PLCE1: variants seen among roughly 807,000 people sequenced by gnomAD.
PLCE1 encodes the protein 1-phosphatidylinositol 4,5-bisphosphate phosphodiesterase epsilon-1.
PLCE1 carries 119 observed loss-of-function variants against 242.8 expected under a neutral mutation model. That is an observed-to-expected ratio of 0.49 (90% CI 0.42 to 0.57). The LOEUF is 0.57. PLCE1 is among the 20% of genes least tolerant of loss of function. PLCE1 has a pLI of 0.00. For missense variants in PLCE1, 2,441 were observed against 2,788.8 expected, an observed-to-expected ratio of 0.88 and a Z score of 2.81; for synonymous variants, 945 against 1,017.4, an observed-to-expected ratio of 0.93 and a Z score of 1.35.
intron 2 of PLCE1, among the ~76,000 whole-genome samples, chr10:94,040,961 T>C (rs2061754597): frequency 6.6e-6 from 1 of 152,230 alleles, no homozygotes; most frequent in African/African-American, 2.4e-5. Flanking sequence ...TTTTACCCTC[T>C]AATGGCAGAG....
intron 14 of PLCE1, 105 bp downstream of exon 14, chr10:94,262,837 A>C (rs985783176): frequency 3.3e-6 from 3 of 899,506 alleles, no homozygotes; most frequent in African/African-American, 3.3e-5. Context: ...AAAGCCTTTA[A>C]ATCTGGGACA....
intron 2 of PLCE1, among the ~76,000 whole-genome samples, chr10:94,067,986 C>T (rs1314889175): frequency 6.6e-6 from 1 of 152,114 alleles, no homozygotes; most frequent in African/African-American, 2.4e-5. Context: ...GGGGCTGAAC[C>T]CCCATGGTGG....
rs2050686506 is a variant in PLCE1, at chr10:94,246,494, C to T, written c.2969C>T (p.Ala990Val). The stretch of plus-strand genomic sequence containing the variant: ...GACAACAGATTATTGCACTTCGTGG[C>T]ACCAAAGCACACAGCTAAAATGCTC... ...TTDNRLLHFV[A>V]PKHTAKMLFS... Residue 990 changes from alanine to valine, a missense_variant, in exon 8 of 33, where the codon GCA (alanine) becomes GTA (valine). Coordinates refer to ENST00000371380, the MANE Select transcript of PLCE1 (RefSeq NM_016341.4). 1.2e-6 allele frequency: 2 copies of T among 1,614,146 alleles called. No individual in the cohort carries two copies. Among genetic ancestry groups the T allele is most frequent in the Non-Finnish European group, 1.7e-6 (2 of 1,179,980 alleles).
intron 32 of PLCE1, 39 bp downstream of exon 32, chr10:94,325,143 A>G: frequency 5.2e-6 from 7 of 1,357,328 alleles, no homozygotes; most frequent in Non-Finnish European, 7.4e-6. Flanking sequence ...ACAGGGCTTA[A>G]CTTAAACTAC....
chr10:94,255,070 A>C, intron 11 of PLCE1, 21 bp downstream of exon 11: 1 of 1,612,892 alleles, frequency 6.2e-7, no homozygotes, highest in Non-Finnish European at 8.5e-7. Context: ...AACATGATAA[A>C]ACAGAAGGAC....
At chr10:94,255,910 ACACACTCTCTCTCTCT>A (rs1368916557) in intron 11 of PLCE1, among the ~76,000 whole-genome samples, 14 of 92,046 alleles carry the variant, frequency 1.5e-4, no homozygotes, top group South Asian at 4.0e-4. Context: ...ACACACACAC[ACACACTCTCTCTCTCT>A]CTCTCTCTCT....
Position 94,324,828 on chromosome 10 carries a change from G to A in PLCE1, c.6721-64G>A, listed in dbSNP as rs139126232. ...AAGAGGAAAGCGCTCTTCTGAAATA[G>A]TGTCATGTGACAGAGGAACCTGAGT... On this transcript the variant is annotated intron_variant, in intron 31 of 32. Transcript: ENST00000371380. The A allele has an allele frequency of 0.023, 34,409 of 1,489,206 alleles. 738 individuals carry two copies. The highest frequency in any genetic ancestry group is 0.025 in the Non-Finnish European group (26,679 of 1,069,192). 92.2% of individuals were successfully genotyped at this position (1,489,206 alleles called of 1,614,324 possible).
intron 16 of PLCE1, among the ~76,000 whole-genome samples, chr10:94,268,639 G>A (rs572732939): frequency 6.6e-6 from 1 of 152,122 alleles, no homozygotes; most frequent in Non-Finnish European, 1.5e-5. Context: ...CCCTTTCAAG[G>A]GGCCAAAGTT....
intron 2 of PLCE1, among the ~76,000 whole-genome samples, chr10:94,058,863 C>T (rs952934984): frequency 3.9e-5 from 6 of 152,020 alleles, no homozygotes; most frequent in African/African-American, 9.7e-5. Context: ...AAAATAATAA[C>T]GAAAACCATA....
At chr10:94,084,449 C>T (rs560331633) in intron 2 of PLCE1, among the ~76,000 whole-genome samples, 10 of 152,248 alleles carry the variant, frequency 6.6e-5, no homozygotes, top group Middle Eastern at 3.4e-3. Context: ...CCCCCATCCC[C>T]GGCCACCTAT....
At chr10:94,176,936 T>G (rs2048145186) in intron 4 of PLCE1, among the ~76,000 whole-genome samples, 1 of 151,708 alleles carries the variant, frequency 6.6e-6, no homozygotes, top group African/African-American at 2.4e-5. Context: ...ATGGGAGGAA[T>G]AGAGGGGGAA....
chr10:94,165,793 C>T (rs548633853), intron 3 of PLCE1, among the ~76,000 whole-genome samples: 26 of 152,036 alleles, frequency 1.7e-4, no homozygotes, highest in African/African-American at 5.1e-4. Flanking sequence ...TTGCAACCTC[C>T]GCCTCCTGGG....
chr10:94,308,513 A>G (rs2053279621), intron 26 of PLCE1, 68 bp from the exon 27 acceptor site: 1 of 1,105,122 alleles, frequency 9.0e-7, no homozygotes, highest in Admixed American at 1.7e-5. Flanking sequence ...TCATTTGCCG[A>G]CTTCCAGGAG....
chr10:94,227,424 C>T lies in PLCE1; in HGVS notation c.1928C>T (p.Ala643Val). The change falls in exon 5 of 33, where the codon GCT (alanine) becomes GTT (valine). Residue 643 changes from alanine (A) to valine (V), a missense_variant. Coordinates refer to ENST00000371380, the MANE Select transcript of PLCE1 (RefSeq NM_016341.4). ...TGCTGGAACATGGGCAACTACAACGCTGTCATGGAGTTCTTGGCTGGCCTC... is the reference window on the plus strand; with the variant it reads ...TGCTGGAACATGGGCAACTACAACGTTGTCATGGAGTTCTTGGCTGGCCTC... ...KCCWNMGNYNAVMEFLAGLRS... is the reference protein window; with the variant it reads ...KCCWNMGNYNVVMEFLAGLRS... 6.2e-7 allele frequency: 1 copy of T among 1,614,066 alleles called. No homozygotes were observed. The highest frequency in any genetic ancestry group is 8.5e-7 in the Non-Finnish European group (1 of 1,179,960).
At chr10:94,014,710 C>T (rs1357730306) in intron 1 of PLCE1, among the ~76,000 whole-genome samples, 1 of 152,192 alleles carries the variant, frequency 6.6e-6, no homozygotes, top group African/African-American at 2.4e-5. Context: ...AGCCTCTGCT[C>T]TGATGTGTAG....
intron 24 of PLCE1, among the ~76,000 whole-genome samples, chr10:94,300,307 A>G (rs1307596550): frequency 6.6e-6 from 1 of 152,186 alleles, no homozygotes; most frequent in Non-Finnish European, 1.5e-5. Context: ...CAGAAGTACA[A>G]ACTAAAGCTG....
chr10:94,078,918 C>A (rs892003389), intron 2 of PLCE1, among the ~76,000 whole-genome samples: 3 of 152,172 alleles, frequency 2.0e-5, no homozygotes, highest in African/African-American at 7.2e-5. Context: ...AGTTTATCTG[C>A]AGGGAATGGG....
At chr10:94,222,329 A>G (rs765216117) in intron 4 of PLCE1, among the ~76,000 whole-genome samples, 29 of 151,692 alleles carry the variant, frequency 1.9e-4, no homozygotes, top group Non-Finnish European at 4.0e-4. Flanking sequence ...AGAGGAGGTA[A>G]GCTTCATTCA....
intron 3 of PLCE1, among the ~76,000 whole-genome samples, chr10:94,153,228 A>G (rs1245433029): frequency 6.6e-6 from 1 of 152,198 alleles, no homozygotes; most frequent in East Asian, 1.9e-4. Flanking sequence ...ATACTTAAAC[A>G]TGTAATATAT....
Sources: allele counts gnomAD v4.1 joint callset (sites outside exome capture counted in the v4.1 genomes callset), GRCh38; gene constraint gnomAD v4.1.1; transcripts MANE v1.5; gene names NCBI Gene and HGNC (gene_info 2026-07-23, HGNC 2026-07-21).